The following SRBD1 variants were observed in gnomAD, a reference collection of about 807,000 sequenced individuals.
SRBD1 encodes the protein S1 RNA binding domain 1.
A neutral mutation model predicts 115.3 loss-of-function variants in SRBD1; 88 were observed. The observed-to-expected ratio is 0.76, with a 90% CI of 0.64 to 0.91. The LOEUF (loss-of-function observed/expected upper bound fraction) is 0.91. SRBD1 is among the 40% of genes least tolerant of loss of function. The pLI is 0.00. For missense variants in SRBD1, 1,385 were observed against 1,177.4 expected (o/e 1.18, Z -2.58); for synonymous variants, 509 against 407.7 (o/e 1.25, Z -2.99).
chr2:45,448,338 G>A (rs1668889967), intron 16 of SRBD1, among the ~76,000 whole-genome samples: 1 of 152,038 alleles, frequency 6.6e-6, no homozygotes, highest in Non-Finnish European at 1.5e-5. Context: ...ATTATAAACT[G>A]GGTACTACAA....
chr2:45,550,754 T>A (rs1672270277), intron 12 of SRBD1, among the ~76,000 whole-genome samples: 2 of 151,810 alleles, frequency 1.3e-5, no homozygotes, highest in Non-Finnish European at 2.9e-5. Flanking sequence ...GGAAAAAAAA[T>A]TGAGCAAAAC....
chr2:45,499,998 G>T (rs969420711), intron 14 of SRBD1, among the ~76,000 whole-genome samples: 1 of 151,506 alleles, frequency 6.6e-6, no homozygotes, highest in African/African-American at 2.4e-5. Flanking sequence ...TGTTTCATTT[G>T]AATTTTTAGT....
intron 14 of SRBD1, among the ~76,000 whole-genome samples, chr2:45,491,915 A>G (rs1226545590): frequency 3.3e-5 from 5 of 152,054 alleles, no homozygotes; most frequent in Admixed American, 2.6e-4. Context: ...TCCGCCTCCC[A>G]GGTTCAAGAG....
intron 4 of SRBD1, among the ~76,000 whole-genome samples, chr2:45,594,337 A>C (rs1023809866): frequency 6.6e-6 from 1 of 152,178 alleles, no homozygotes; most frequent in African/African-American, 2.4e-5. Flanking sequence ...TGTTTAGCAA[A>C]CTTTACTAAG....
chr2:45,427,033 T>C (rs1371207490), intron 16 of SRBD1, among the ~76,000 whole-genome samples: 2 of 152,154 alleles, frequency 1.3e-5, no homozygotes, highest in Non-Finnish European at 2.9e-5. Context: ...CTTCAGAAAG[T>C]GGGTAATAAC....
chr2:45,565,708 C>T (rs553021186), intron 9 of SRBD1, among the ~76,000 whole-genome samples: 4 of 152,216 alleles, frequency 2.6e-5, no homozygotes, highest in African/African-American at 9.6e-5. Flanking sequence ...AAAATTTTTG[C>T]AAATCATATG....
intron 15 of SRBD1, among the ~76,000 whole-genome samples, chr2:45,487,366 A>C (rs1406547493): frequency 6.6e-6 from 1 of 152,174 alleles, no homozygotes; most frequent in Non-Finnish European, 1.5e-5. Context: ...TAATTTCTTT[A>C]CACACAAGAT....
At chr2:45,553,418 T>C (rs891573161) in intron 11 of SRBD1, among the ~76,000 whole-genome samples, 3 of 152,220 alleles carry the variant, frequency 2.0e-5, no homozygotes, top group African/African-American at 7.2e-5. Flanking sequence ...TTGAAAAACA[T>C]ATCATAATTA....
chr2:45,598,812 A>G (rs1673989693), intron 4 of SRBD1, among the ~76,000 whole-genome samples: 2 of 151,996 alleles, frequency 1.3e-5, no homozygotes, highest in South Asian at 2.1e-4. Context: ...AGTCACCCCC[A>G]CCTACCCTGA....
chr2:45,495,568 T>A (rs1178037782), intron 14 of SRBD1, among the ~76,000 whole-genome samples: 1 of 151,944 alleles, frequency 6.6e-6, no homozygotes, highest in Non-Finnish European at 1.5e-5. Flanking sequence ...GATACCAACA[T>A]AAAGTTGTTG....
intron 10 of SRBD1, 103 bp from the exon 11 acceptor site, chr2:45,553,833 CT>C (rs1558474285): frequency 1.7e-6 from 1 of 580,660 alleles, no homozygotes; most frequent in African/African-American, 1.9e-5. Flanking sequence ...CGGGGAAAAC[CT>C]TTATTGAAGC....
intron 18 of SRBD1, among the ~76,000 whole-genome samples, chr2:45,415,654 G>A: frequency 5.2e-5 from 1 of 19,196 alleles, no homozygotes; most frequent in Non-Finnish European, 9.9e-5. Flanking sequence ...GAGGGGAGGG[G>A]AGGGGAGGGG....
At chr2:45,465,514 C>CA (rs1056004341) in intron 16 of SRBD1, among the ~76,000 whole-genome samples, 3 of 152,138 alleles carry the variant, frequency 2.0e-5, no homozygotes, top group African/African-American at 4.8e-5. Flanking sequence ...CCTGTCTGGA[C>CA]AAAAAACTGA....
chr2:45,593,257 T>C (rs1424176701), intron 4 of SRBD1, among the ~76,000 whole-genome samples: 1 of 152,172 alleles, frequency 6.6e-6, no homozygotes, highest in Non-Finnish European at 1.5e-5. Context: ...TGTTCCCATT[T>C]TATAAATGCA....
intron 16 of SRBD1, among the ~76,000 whole-genome samples, chr2:45,445,493 A>G (rs1327877977): frequency 6.8e-6 from 1 of 147,030 alleles, no homozygotes; most frequent in Non-Finnish European, 1.5e-5. Flanking sequence ...AGGGGTCACA[A>G]TGAGGCAAGT....
intron 16 of SRBD1, among the ~76,000 whole-genome samples, chr2:45,461,442 G>T (rs1669313813): frequency 6.6e-6 from 1 of 152,072 alleles, no homozygotes; most frequent in African/African-American, 2.4e-5. Context: ...GATGATGCTG[G>T]ATATGGCTCC....
intron 11 of SRBD1, among the ~76,000 whole-genome samples, chr2:45,552,096 T>C (rs568366253): frequency 6.6e-6 from 1 of 152,278 alleles, no homozygotes; most frequent in Admixed American, 6.5e-5. Flanking sequence ...CAGAGATAGA[T>C]GTGAAAAATG....
chr2:45,493,392 G>C (rs1206882708), intron 14 of SRBD1, among the ~76,000 whole-genome samples: 1 of 152,192 alleles, frequency 6.6e-6, no homozygotes, highest in Non-Finnish European at 1.5e-5. Flanking sequence ...TGGGGGCTCT[G>C]AGATTTAATG....
At chr2:45,422,612 C>T (rs553510980) in intron 16 of SRBD1, among the ~76,000 whole-genome samples, 2 of 152,266 alleles carry the variant, frequency 1.3e-5, no homozygotes, top group South Asian at 2.1e-4. Flanking sequence ...ATAAATTGGT[C>T]AGGAATAGGT....
Sources: allele counts gnomAD v4.1 joint callset (sites outside exome capture counted in the v4.1 genomes callset), GRCh38; gene constraint gnomAD v4.1.1; transcripts MANE v1.5; gene names NCBI Gene and HGNC (gene_info 2026-07-23, HGNC 2026-07-21).